UBE2Q2: variants seen among roughly 807,000 people sequenced by gnomAD.
The protein encoded by UBE2Q2 is ubiquitin-conjugating enzyme E2 Q2.
UBE2Q2 carries 54 observed loss-of-function variants against 59.9 expected under a neutral mutation model. The ratio of observed to expected loss-of-function variants is 0.90; its 90% CI spans 0.72 to 1.13. The LOEUF is 1.13. UBE2Q2 is among the 50% of genes most tolerant of loss of function. The probability of loss-of-function intolerance (pLI) is 0.00; values close to 1 mark genes in which losing one functional copy is unlikely to be tolerated. For synonymous variants in UBE2Q2, 165 were observed against 155.2 expected, an observed-to-expected ratio of 1.06 and a Z score of -0.47; for missense variants, 433 against 441.9, an observed-to-expected ratio of 0.98 and a Z score of 0.18.
chr15:75,876,127 T>G (rs886586838), intron 5 of UBE2Q2, 60 bp from the exon 6 acceptor site: 2 of 1,494,080 alleles, frequency 1.3e-6, no homozygotes, highest in Non-Finnish European at 1.8e-6. Context: ...TTAGATCAGG[T>G]TGAAATATCT....
chr15:75,866,754 A>G (rs1394126), intron 3 of UBE2Q2, among the ~76,000 whole-genome samples: 3,711 of 152,220 alleles, frequency 0.024, 139 homozygotes, highest in African/African-American at 0.083. Context: ...CCCTTCTACA[A>G]GTGGTTTTTT....
intron 1 of UBE2Q2, among the ~76,000 whole-genome samples, chr15:75,854,118 G>T (rs1012028615): frequency 4.7e-4 from 71 of 152,310 alleles, no homozygotes; most frequent in African/African-American, 1.7e-3. Context: ...ATGCCAGGAG[G>T]TGATGGTGAT....
chr15:75,896,687 A>G (rs1484260524), intron 11 of UBE2Q2, among the ~76,000 whole-genome samples: 2 of 152,192 alleles, frequency 1.3e-5, no homozygotes, highest in Admixed American at 6.5e-5. Flanking sequence ...CTTTAACTTG[A>G]TTCAGCAATA....
intron 4 of UBE2Q2, 69 bp from the exon 5 acceptor site, chr15:75,873,359 T>C: frequency 6.9e-7 from 1 of 1,444,866 alleles, no homozygotes; most frequent in Non-Finnish European, 9.4e-7. Flanking sequence ...TAATTTAATG[T>C]TATTTTGGCA....
In UBE2Q2 at chr15:75,843,604, G is replaced by T. The variant is rs1896132561; in HGVS notation, c.-63G>T. 3 of 1,452,878 alleles carry T rather than the reference G, an allele frequency of 2.1e-6. No homozygotes were observed. Among genetic ancestry groups the T allele is most frequent in the Non-Finnish European group, 2.8e-6 (3 of 1,088,468 alleles). 90.0% of individuals were successfully genotyped at this position (1,452,878 alleles called of 1,614,324 possible). On this transcript the variant is annotated 5_prime_UTR_variant, in exon 1 of 13. Coordinates refer to ENST00000267938, the MANE Select transcript of UBE2Q2 (RefSeq NM_173469.4). ...GTCGCGGCCGTGACGGCGGCTCCGG[G>T]CCCGGCTCCCCTTCCGCGCCCGGCT...
chr15:75,881,117 G>A (rs1047463535), intron 8 of UBE2Q2, among the ~76,000 whole-genome samples: 3 of 151,826 alleles, frequency 2.0e-5, no homozygotes, highest in African/African-American at 2.4e-5. Flanking sequence ...ATGGGGGAAC[G>A]AATAAAGCAC....
chr15:75,884,578 G>GC (rs1399492546), intron 9 of UBE2Q2, among the ~76,000 whole-genome samples: 3 of 151,976 alleles, frequency 2.0e-5, no homozygotes, highest in Non-Finnish European at 4.4e-5. Context: ...GTGTTTGTTT[G>GC]TTTTTTTAAC....
intron 11 of UBE2Q2, among the ~76,000 whole-genome samples, chr15:75,895,570 T>TA (rs916287151): frequency 6.6e-5 from 10 of 150,608 alleles, no homozygotes; most frequent in Admixed American, 2.0e-4. Context: ...TTTAACATGT[T>TA]AAAAAAAAAT....
intron 1 of UBE2Q2, 118 bp downstream of exon 1, chr15:75,843,964 C>A: frequency 7.1e-7 from 1 of 1,407,888 alleles, no homozygotes; most frequent in Middle Eastern, 2.6e-4. Flanking sequence ...GCGGGGCAGG[C>A]CCGCCCCTTT....
chr15:75,861,341 G>C (rs2604403), intron 3 of UBE2Q2, among the ~76,000 whole-genome samples: 14,985 of 152,226 alleles, frequency 0.098, 1,880 homozygotes, highest in African/African-American at 0.3. Flanking sequence ...AAGCCTCATG[G>C]CATTCTGAGT....
chr15:75,882,226 A>G (rs773516791), intron 8 of UBE2Q2, among the ~76,000 whole-genome samples: 22 of 152,314 alleles, frequency 1.4e-4, no homozygotes, highest in South Asian at 1.0e-3. Context: ...TAAGATGTTA[A>G]GATCTCAGAT....
intron 3 of UBE2Q2, among the ~76,000 whole-genome samples, chr15:75,862,139 T>C (rs1897234390): frequency 6.6e-6 from 1 of 152,062 alleles, no homozygotes; most frequent in South Asian, 2.1e-4. Flanking sequence ...TCTACCAAAT[T>C]CTGTAGGTTA....
At chr15:75,864,111 A>G (rs895589105) in intron 3 of UBE2Q2, among the ~76,000 whole-genome samples, 1 of 152,148 alleles carries the variant, frequency 6.6e-6, no homozygotes, top group African/African-American at 2.4e-5. Context: ...TATAGTAAAC[A>G]CCGTTAGAAT....
At chr15:75,860,809 C>T (rs1897169148) in intron 3 of UBE2Q2, among the ~76,000 whole-genome samples, 1 of 152,282 alleles carries the variant, frequency 6.6e-6, no homozygotes, top group Middle Eastern at 3.4e-3. Context: ...CTCATCTGCT[C>T]TCCTACAGTA....
At chr15:75,862,455 T>C (rs1897248947) in intron 3 of UBE2Q2, among the ~76,000 whole-genome samples, 1 of 151,770 alleles carries the variant, frequency 6.6e-6, no homozygotes, top group Non-Finnish European at 1.5e-5. Context: ...AGGTATCTAT[T>C]CTATGTTGCT....
chr15:75,888,196 C>G (rs1191763800), intron 9 of UBE2Q2, among the ~76,000 whole-genome samples: 1 of 152,136 alleles, frequency 6.6e-6, no homozygotes, highest in African/African-American at 2.4e-5. Context: ...AATTTCAGAA[C>G]ATTTTCATGA....
At chr15:75,850,466 C>T (rs1303627360) in intron 1 of UBE2Q2, among the ~76,000 whole-genome samples, 1 of 152,184 alleles carries the variant, frequency 6.6e-6, no homozygotes, top group African/African-American at 2.4e-5. Flanking sequence ...ATCCTTGTCC[C>T]TGTGATTCCA....
chr15:75,880,774 C>T (rs141334593), intron 8 of UBE2Q2, among the ~76,000 whole-genome samples: 1 of 152,280 alleles, frequency 6.6e-6, no homozygotes, highest in Non-Finnish European at 1.5e-5. Flanking sequence ...GCTGGGATTA[C>T]AGGCGTGATT....
chr15:75,851,281 A>G lies in UBE2Q2; in HGVS notation c.181-3105A>G, dbSNP rs148047148. On this transcript the variant is annotated intron_variant, in intron 1 of 12. Transcript: ENST00000267938. ...ATTTTTTGTATTTTTTTGTAGAGACAGGGTTTTGCCATGTTGCCTAGGCTT... is the reference window on the plus strand; with the variant it reads ...ATTTTTTGTATTTTTTTGTAGAGACGGGGTTTTGCCATGTTGCCTAGGCTT... 5.5e-4 allele frequency among the ~76,000 whole-genome samples: 83 copies of G among 152,014 alleles called. 1 individual carries two copies. The East Asian group carries it at 0.015, about 28-fold the overall frequency.
Sources: allele counts gnomAD v4.1 joint callset (sites outside exome capture counted in the v4.1 genomes callset), GRCh38; gene constraint gnomAD v4.1.1; transcripts MANE v1.5; gene names NCBI Gene and HGNC (gene_info 2026-07-23, HGNC 2026-07-21).